LAP3: variants seen among roughly 807,000 people sequenced by gnomAD.
LAP3 encodes the protein leucine aminopeptidase 3.
In LAP3, 46 loss-of-function variants were observed where a neutral mutation model predicts 58.8. The observed-to-expected ratio is 0.78, with a 90% CI of 0.62 to 1.00. The LOEUF (loss-of-function observed/expected upper bound fraction) is 1.00. Among genes scored for constraint, LAP3 ranks in the 50% least tolerant of loss-of-function variants. The probability of loss-of-function intolerance (pLI) is 0.00; values close to 1 mark genes in which losing one functional copy is unlikely to be tolerated. For missense variants in LAP3, 615 were observed against 659.1 expected (o/e 0.93, Z 0.73); for synonymous variants, 257 against 237.7 (o/e 1.08, Z -0.75).
At chr4:17,583,889 T>C (rs943552531) in intron 5 of LAP3, among the ~76,000 whole-genome samples, 9 of 152,218 alleles carry the variant, frequency 5.9e-5, no homozygotes, top group African/African-American at 2.2e-4. Flanking sequence ...AAGGAAGCCA[T>C]AACCAGGTAG....
chr4:17,606,726 A>G, intron 11 of LAP3, 103 bp from the exon 12 acceptor site: 1 of 646,164 alleles, frequency 1.5e-6, no homozygotes, highest in Non-Finnish European at 2.7e-6. Flanking sequence ...TTTTAGAGTA[A>G]CAGGTTAGAA....
rs1713806468 is a variant in LAP3 at position 17,595,454 on chromosome 4, G to A, written c.908G>A (p.Arg303Lys). 6.2e-7 allele frequency: 1 copy of A among 1,613,850 alleles called. No homozygotes were observed. The highest frequency in any genetic ancestry group is 2.2e-5 in the East Asian group (1 of 44,816). The change falls in exon 8 of 13, where the codon AGG becomes AAG. Residue 303 changes from arginine (R) to lysine (K), a missense_variant. Physicochemically the swap from Arg to Lys is conservative, Grantham distance 26. Transcript: ENST00000226299. ...IKASANMDLMRADMGGAATIC... is the reference protein window; with the variant it reads ...IKASANMDLMKADMGGAATIC... ...GCTTCTGCAAATATGGACCTCATGA[G>A]GGCTGACATGGGAGGAGCTGCAACT...
chr4:17,601,382 T>C (rs999124226), intron 10 of LAP3, among the ~76,000 whole-genome samples: 4 of 152,190 alleles, frequency 2.6e-5, no homozygotes, highest in South Asian at 4.1e-4. Flanking sequence ...TAAATACTTA[T>C]GTCTGCCATT....
At chr4:17,607,199 A>G (rs1484519653) in intron 12 of LAP3, among the ~76,000 whole-genome samples, 1 of 152,230 alleles carries the variant, frequency 6.6e-6, no homozygotes, top group Non-Finnish European at 1.5e-5. Context: ...ACCATAGCAA[A>G]AAGGAATATA....
Position 17,577,442 on chromosome 4 carries a change from G to A in LAP3, c.-24G>A, listed in dbSNP as rs1279336157. The A allele has an allele frequency of 2.6e-6, 4 of 1,523,320 alleles. No individual in the cohort carries two copies. The highest frequency in any genetic ancestry group is 2.0e-5 in the Admixed American group (1 of 49,304). 94.4% of individuals were successfully genotyped at this position (1,523,320 alleles called of 1,614,324 possible). ...GCTCTCCACGTGCTCGCTGGAGGGC[G>A]GTGCGAGGGGCCGAGCCGACAAGAT... is the stretch of plus-strand genomic sequence containing the variant. On this transcript the variant is annotated 5_prime_UTR_variant, in exon 1 of 13. Transcript: ENST00000226299.
chr4:17,596,454 C>T lies in LAP3; in HGVS notation c.989-592C>T, dbSNP rs143717529. Among the ~76,000 whole-genome samples the T allele has an allele frequency of 8.0e-3, 1,219 of 152,234 alleles. 17 individuals are homozygous for T. Among genetic ancestry groups the T allele is most frequent in the African/African-American group, 0.028 (1,163 of 41,528 alleles). On this transcript the variant is annotated intron_variant, in intron 8 of 12. Transcript: ENST00000226299. ...TCCCGGGTTCAAGTGATTCTTCTGC[C>T]TCAGCCTCTTGAGTAGCTGGGATTA...
At chr4:17,600,389 GA>G (rs1303151570) in intron 10 of LAP3, among the ~76,000 whole-genome samples, 2 of 135,970 alleles carry the variant, frequency 1.5e-5, no homozygotes, top group African/African-American at 2.9e-5. Flanking sequence ...CACTTTACCT[GA>G]AAAGCAGAGC....
chr4:17,599,202 A>G (rs1379460178), intron 10 of LAP3, among the ~76,000 whole-genome samples: 3 of 152,192 alleles, frequency 2.0e-5, no homozygotes, highest in Non-Finnish European at 4.4e-5. Flanking sequence ...TTAAGCAGAA[A>G]TAACAAGTGC....
At chr4:17,595,233 T>G (rs1186763777) in intron 7 of LAP3, among the ~76,000 whole-genome samples, 177 bp from the exon 8 acceptor site, 1 of 149,486 alleles carries the variant, frequency 6.7e-6, no homozygotes, top group Non-Finnish European at 1.5e-5. Flanking sequence ...TAGAGATGGG[T>G]TGCACCGTGT....
rs1713587322 is a variant in LAP3 at position 17,588,426 on chromosome 4, T to C, written c.705-393T>C. On this transcript the variant is annotated intron_variant, in intron 6 of 12. Coordinates refer to ENST00000226299, the MANE Select transcript of LAP3 (RefSeq NM_015907.3). ...TTCCAAAGTGCTGGGATTACAGGCA[T>C]GAGCCACCGCACCCGGCCTTCTAAC... 2.0e-5 allele frequency among the ~76,000 whole-genome samples: 3 copies of C among 152,204 alleles called. 1 individual carries two copies. In the South Asian group the frequency reaches 6.2e-4, roughly 31 times the overall value.
chr4:17,583,429 T>C (rs1713416633), intron 4 of LAP3, 54 bp from the exon 5 acceptor site: 19 of 1,602,630 alleles, frequency 1.2e-5, no homozygotes, highest in Non-Finnish European at 1.4e-5. Flanking sequence ...TGCTGTCTGC[T>C]CTTTGAGTTG....
rs1266646497 is a variant in LAP3 at position 17,590,925 on chromosome 4, T to A, written c.863+1948T>A. Among the ~76,000 whole-genome samples, 3 of 17,018 alleles carry A rather than the reference T, an allele frequency of 1.8e-4. No individual in the cohort carries two copies. The East Asian group carries it at 0.033, about 185-fold the overall frequency. The allele number at this position is 17,018 out of a possible 152,430, so 11.2% of individuals were successfully genotyped here. A position where few individuals can be genotyped will look rare whatever the true frequency, so the allele number is the denominator to read the frequency against. ...CAAACACAATTTAGAAAGTTAAACT[T>A]TTTTTTTTTTTTTTTTTTTTTTTAG... On this transcript the variant is annotated intron_variant, in intron 7 of 12. Coordinates refer to ENST00000226299, the MANE Select transcript of LAP3 (RefSeq NM_015907.3).
intron 7 of LAP3, among the ~76,000 whole-genome samples, chr4:17,590,479 T>C (rs1713657395): frequency 6.6e-6 from 1 of 152,236 alleles, no homozygotes; most frequent in South Asian, 2.1e-4. Context: ...GTATAGCCCA[T>C]CAGTAAAAGA....
intron 8 of LAP3, among the ~76,000 whole-genome samples, chr4:17,596,136 C>T: frequency 6.6e-6 from 1 of 152,016 alleles, no homozygotes; most frequent in East Asian, 1.9e-4. Flanking sequence ...CAGACATGCC[C>T]CCCTCCTTCA....
intron 8 of LAP3, among the ~76,000 whole-genome samples, chr4:17,596,082 C>G (rs1394950477): frequency 6.6e-6 from 1 of 152,150 alleles, no homozygotes; most frequent in African/African-American, 2.4e-5. Flanking sequence ...AATGCCCTGA[C>G]TCTTGTCCAT....
Position 17,583,551 on chromosome 4 carries a change from G to T in LAP3, c.448G>T (p.Ala150Ser). The T allele has an allele frequency of 6.2e-7, 1 of 1,614,182 alleles. No individual in the cohort carries two copies. The highest frequency in any genetic ancestry group is 8.5e-7 in the Non-Finnish European group (1 of 1,180,038). The change falls in exon 5 of 13, where the codon GCT becomes TCT. Residue 150 changes from alanine (A) to serine (S), a missense_variant. By Grantham distance (99) the Ala-to-Ser change is moderately conservative (BLOSUM62 1). Coordinates refer to ENST00000226299, the MANE Select transcript of LAP3 (RefSeq NM_015907.3). Reference sequence around the variant, plus strand: ...GGTGGATCCCTGTGGAGACGCTCAGGCTGCTGCGGAGGGAGCGGTGCTTGG... The same window carrying T: ...GGTGGATCCCTGTGGAGACGCTCAGTCTGCTGCGGAGGGAGCGGTGCTTGG... ...VEVDPCGDAQ[A>S]AAEGAVLGLY...
chr4:17,580,185 T>TATATATATATA, intron 2 of LAP3, among the ~76,000 whole-genome samples: 4 of 32,028 alleles, frequency 1.2e-4, no homozygotes, highest in East Asian at 2.9e-3. Context: ...TATATATGTA[T>TATATATATATA]TTTTTTTTTT....
Position 17,588,952 on chromosome 4 carries a change from G to T in LAP3, c.838G>T (p.Val280Phe), listed in dbSNP as rs146696513. ...PNANEPPLVF[V>F]GKGITFDSGG... is the part of the protein sequence containing the mutation. ...TGCAAACGAACCACCCCTGGTGTTT[G>T]TTGGGAAAGGAATTACCTTTGACAG... Residue 280 changes from valine (V) to phenylalanine (F), a missense_variant, in exon 7 of 13, where the codon GTT (valine) becomes TTT (phenylalanine). Val to Phe is a conservative substitution (Grantham distance 50, BLOSUM62 -1). Transcript: ENST00000226299. 9.3e-6 allele frequency: 15 copies of T among 1,613,930 alleles called. No homozygotes were observed. The highest frequency in any genetic ancestry group is 4.4e-5 in the South Asian group (4 of 91,068).
chr4:17,577,212 G>GCGCACACGAATGCGGC lies in LAP3; in HGVS notation c.-239_-238insCCGCACACGAATGCGG. On this transcript the variant is annotated 5_prime_UTR_variant, in exon 1 of 13. In the 5' UTR this introduces an upstream ATG that the reference lacks. Coordinates refer to ENST00000226299, the MANE Select transcript of LAP3 (RefSeq NM_015907.3). Reference sequence around the variant, plus strand: ...CATGCGCGGGCGCACACGAATGCGGGCGCACACGAATGCGGGCGCACACGA... The same window carrying GCGCACACGAATGCGGC: ...CATGCGCGGGCGCACACGAATGCGGGCGCACACGAATGCGGCCGCACACGAATGCGGGCGCACACGA... The GCGCACACGAATGCGGC allele has an allele frequency of 2.9e-6, 1 of 342,754 alleles. No homozygotes were observed. The highest frequency in any genetic ancestry group is 5.2e-6 in the Non-Finnish European group (1 of 190,492). The allele number at this position is 342,754 out of a possible 1,614,324, so 21.2% of individuals were successfully genotyped here.
Sources: allele counts gnomAD v4.1 joint callset (sites outside exome capture counted in the v4.1 genomes callset), GRCh38; gene constraint gnomAD v4.1.1; transcripts MANE v1.5; gene names NCBI Gene and HGNC (gene_info 2026-07-23, HGNC 2026-07-21).